GALK2: variants seen among roughly 807,000 people sequenced by gnomAD.
GALK2 encodes the protein galactokinase 2.
In GALK2, 36 loss-of-function variants were observed where a neutral mutation model predicts 52.4. That is an observed-to-expected ratio of 0.69 (90% CI 0.53 to 0.91). GALK2 has a LOEUF of 0.91. Ranked by LOEUF, GALK2 falls within the 40% of genes least tolerant of loss-of-function variation. GALK2 has a pLI of 0.00. For synonymous variants in GALK2, 176 were observed against 199.1 expected (o/e 0.88, Z 0.98); for missense variants, 579 against 559.1 (o/e 1.04, Z -0.36).
intron 3 of GALK2, chr15:49,365,742 C>G (rs1265059178): frequency 1.1e-6 from 1 of 871,824 alleles, no homozygotes; most frequent in Non-Finnish European, 2.0e-6. Flanking sequence ...CTTGTAAAAT[C>G]CAAGCCCACC....
rs1045364693 is a variant in GALK2, at chr15:49,216,373, C to T, written c.143-817C>T. 5.9e-5 allele frequency among the ~76,000 whole-genome samples: 9 copies of T among 152,278 alleles called. No homozygotes were observed. The East Asian group carries it at 9.7e-4, about 16-fold the overall frequency. ...CAGGAATCTCCTTGGTGCTTTACTT[C>T]GACTGAGCTGGTACCCAAATTGCAA... On this transcript the variant is annotated intron_variant, in intron 2 of 9. Transcript: ENST00000560031.
In GALK2 at chr15:49,156,096, T is replaced by C. The variant is rs1032147952; in HGVS notation, c.20+80T>C. The C allele has an allele frequency of 2.2e-6, 3 of 1,381,960 alleles. No homozygotes were observed. The African/African-American group carries it at 4.3e-5, about 20-fold the overall frequency. 85.6% of individuals were successfully genotyped at this position (1,381,960 alleles called of 1,614,324 possible). ...TGTTCCTAAGATACTTGGAGTACTTTTCAGCAACACAGTTTACACTTAATG... is the reference window on the plus strand; with the variant it reads ...TGTTCCTAAGATACTTGGAGTACTTCTCAGCAACACAGTTTACACTTAATG... On this transcript the variant is annotated intron_variant, in intron 1 of 9. Transcript: ENST00000327171.
At chr15:49,305,850 C>G (rs371770268) in intron 8 of GALK2, among the ~76,000 whole-genome samples, 3 of 152,296 alleles carry the variant, frequency 2.0e-5, no homozygotes, top group African/African-American at 7.2e-5. Flanking sequence ...CACCTGTGTG[C>G]ATTCACTTCC....
At chr15:49,231,794 C>G (rs2090517502) in intron 3 of GALK2, among the ~76,000 whole-genome samples, 1 of 152,224 alleles carries the variant, frequency 6.6e-6, no homozygotes, top group East Asian at 1.9e-4. Flanking sequence ...TCCTTTGATT[C>G]CACATCTCAC....
chr15:49,322,822 C>T (rs529976467), intron 9 of GALK2, among the ~76,000 whole-genome samples: 42 of 151,796 alleles, frequency 2.8e-4, no homozygotes, highest in African/African-American at 8.7e-4. Flanking sequence ...CCGAGCGTGG[C>T]GGCATGCGCC....
At chr15:49,219,762 G>A (rs1478917208) in intron 3 of GALK2, among the ~76,000 whole-genome samples, 1 of 152,156 alleles carries the variant, frequency 6.6e-6, no homozygotes. Flanking sequence ...AGTGAGCCAA[G>A]ATTGCGCCAC....
In GALK2 at chr15:49,301,180, G is replaced by C. The variant is rs539128721; in HGVS notation, c.967+8643G>C. On this transcript the variant is annotated intron_variant, in intron 8 of 9. Coordinates refer to ENST00000560031, the MANE Select transcript of GALK2 (RefSeq NM_002044.4). ...AGATGTTCAAATCAAGCAGTGGCTTGAAGCTTCTGTTAAACTAGCCAGACT... is the reference window on the plus strand; with the variant it reads ...AGATGTTCAAATCAAGCAGTGGCTTCAAGCTTCTGTTAAACTAGCCAGACT... Among the ~76,000 whole-genome samples, 8 of 152,032 alleles carry C rather than the reference G, an allele frequency of 5.3e-5. No individual in the cohort carries two copies. In the East Asian group the frequency reaches 9.6e-4, roughly 18 times the overall value.
rs2032998982 is a variant in GALK2 at position 49,283,589 on chromosome 15, T to A, written c.627T>A (p.Pro209=). 1.2e-6 allele frequency: 2 copies of A among 1,613,856 alleles called. No homozygotes were observed. Among genetic ancestry groups the A allele is most frequent in the Non-Finnish European group, 1.7e-6 (2 of 1,179,800 alleles). ...EGTAKLIEFS[P]LRATDVKLPS... is the part of the protein sequence containing the mutation. ...AGGCCAAGTTGATAGAATTTAGTCC[T>A]CTGAGGGCAACCGATGTAAAACTCC... Residue 209 remains proline, a synonymous_variant, in exon 7 of 10, where the codon CCT becomes CCA. Transcript: ENST00000560031.
chr15:49,294,507 T>C (rs1415862980), intron 8 of GALK2, among the ~76,000 whole-genome samples: 1 of 152,176 alleles, frequency 6.6e-6, no homozygotes, highest in African/African-American at 2.4e-5. Flanking sequence ...TAATCAATAT[T>C]TATTGAATGA....
chr15:49,319,500 G>C (rs531972607), intron 8 of GALK2, 104 bp from the exon 9 acceptor site: 1 of 894,870 alleles, frequency 1.1e-6, no homozygotes, highest in African/African-American at 1.7e-5. Context: ...TTAAGATACT[G>C]ATAATGAAAA....
At chr15:49,337,896 G>A (rs954323845) in intron 3 of GALK2, among the ~76,000 whole-genome samples, 5 of 152,066 alleles carry the variant, frequency 3.3e-5, no homozygotes, top group African/African-American at 1.2e-4. Flanking sequence ...TCTTTATCCA[G>A]TCTATCACTG....
intron 3 of GALK2, chr15:49,365,753 T>G (rs2045053868): frequency 2.3e-6 from 2 of 864,122 alleles, no homozygotes; most frequent in South Asian, 2.6e-5. Context: ...CAAGCCCACC[T>G]GTCTTCATTT....
intron 1 of GALK2, among the ~76,000 whole-genome samples, chr15:49,187,889 CT>C (rs1004207610): frequency 6.6e-6 from 1 of 152,054 alleles, no homozygotes; most frequent in Non-Finnish European, 1.5e-5. Context: ...GAGCCAAGTC[CT>C]AGAATTGTGG....
chr15:49,163,838 T>C (rs1309570929), intron 1 of GALK2, among the ~76,000 whole-genome samples: 1 of 152,202 alleles, frequency 6.6e-6, no homozygotes, highest in Non-Finnish European at 1.5e-5. Context: ...TGTGTTTAAG[T>C]AAACTTTAGC....
At chr15:49,315,401 T>A (rs2036319743) in intron 8 of GALK2, among the ~76,000 whole-genome samples, 1 of 152,228 alleles carries the variant, frequency 6.6e-6, no homozygotes, top group Non-Finnish European at 1.5e-5. Context: ...GCTATAATGT[T>A]AGCTGGACAG....
chr15:49,316,521 G>A (rs2036427094), intron 8 of GALK2, among the ~76,000 whole-genome samples: 1 of 151,976 alleles, frequency 6.6e-6, no homozygotes, highest in Non-Finnish European at 1.5e-5. Context: ...TGTAAATGAC[G>A]AGTTAATGGG....
chr15:49,156,545 C>T (rs2084458904), intron 1 of GALK2: 2 of 516,424 alleles, frequency 3.9e-6, no homozygotes, highest in South Asian at 1.5e-5. Flanking sequence ...TTCCAAAGAT[C>T]CTGTGTCTTC....
At chr15:49,291,428 A>G (rs1390633910) in intron 7 of GALK2, among the ~76,000 whole-genome samples, 3 of 152,202 alleles carry the variant, frequency 2.0e-5, no homozygotes, top group African/African-American at 4.8e-5. Flanking sequence ...AATCATCAAC[A>G]TAATGGAAGA....
chr15:49,239,266 G>A lies in GALK2; in HGVS notation c.403G>A (p.Asp135Asn). 6.2e-7 allele frequency: 1 copy of A among 1,614,140 alleles called. No individual in the cohort carries two copies. The highest frequency in any genetic ancestry group is 8.5e-7 in the Non-Finnish European group (1 of 1,179,986). The change falls in exon 5 of 10, where the codon GAT (aspartate) becomes AAT (asparagine). Residue 135 changes from aspartate (D) to asparagine (N), a missense_variant. By Grantham distance (23) the Asp-to-Asn change is conservative (BLOSUM62 1). Coordinates refer to ENST00000560031, the MANE Select transcript of GALK2 (RefSeq NM_002044.4). ...SNLTGMNCLV[D>N]GNIPPSSGLS... is the part of the protein sequence containing the mutation. ...CCTGACTGGAATGAACTGCCTGGTA[G>A]ATGGAAATATCCCACCAAGTTCTGG...
Sources: allele counts gnomAD v4.1 joint callset (sites outside exome capture counted in the v4.1 genomes callset), GRCh38; gene constraint gnomAD v4.1.1; transcripts MANE v1.5; gene names NCBI Gene and HGNC (gene_info 2026-07-23, HGNC 2026-07-21).